The following ATP6V1A variants were observed in gnomAD, a reference collection of about 807,000 sequenced individuals.
The protein encoded by ATP6V1A is ATPase H+ transporting V1 subunit A.
In ATP6V1A, 18 loss-of-function variants were observed where a neutral mutation model predicts 70.1. That is an observed-to-expected ratio of 0.26 (90% CI 0.18 to 0.38). ATP6V1A has a LOEUF of 0.38. ATP6V1A is among the 10% of genes least tolerant of loss of function. ATP6V1A has a pLI of 1.00. For missense variants in ATP6V1A, 424 were observed against 772.4 expected (o/e 0.55, Z 5.35); for synonymous variants, 232 against 253.8 (o/e 0.91, Z 0.82).
rs191478929 is a variant in ATP6V1A at position 113,805,267 on chromosome 3, A to G, written c.1590-87A>G. On this transcript the variant is annotated intron_variant, in intron 13 of 14. Coordinates refer to ENST00000273398, the MANE Select transcript of ATP6V1A (RefSeq NM_001690.4). Reference sequence around the variant, plus strand: ...AAGCAATCTGCATACTTAGATAAAGAAACTAATGCTCTAGTAGTTTTATAT... The same window carrying G: ...AAGCAATCTGCATACTTAGATAAAGGAACTAATGCTCTAGTAGTTTTATAT... 3.4e-3 allele frequency: 4,415 copies of G among 1,306,300 alleles called. 14 individuals carry two copies. Among genetic ancestry groups the G allele is most frequent in the Non-Finnish European group, 4.4e-3 (4,069 of 935,248 alleles). 80.9% of individuals were successfully genotyped at this position (1,306,300 alleles called of 1,614,324 possible).
intron 1 of ATP6V1A, among the ~76,000 whole-genome samples, chr3:113,757,141 A>G (rs1236849604): frequency 1.3e-5 from 2 of 152,330 alleles, no homozygotes; most frequent in Non-Finnish European, 2.9e-5. Context: ...CACTTAAAAT[A>G]CAGAATCTTC....
chr3:113,779,426 T>A (rs1708954935), intron 2 of ATP6V1A, among the ~76,000 whole-genome samples: 1 of 152,236 alleles, frequency 6.6e-6, no homozygotes, highest in Non-Finnish European at 1.5e-5. Context: ...TTTGTTTTGT[T>A]ATTGAATACT....
At chr3:113,755,465 G>A (rs1431475160) in intron 1 of ATP6V1A, among the ~76,000 whole-genome samples, 1 of 151,878 alleles carries the variant, frequency 6.6e-6, no homozygotes, top group African/African-American at 2.4e-5. Flanking sequence ...GCCAGGCGTG[G>A]TGGCACACAC....
intron 1 of ATP6V1A, among the ~76,000 whole-genome samples, chr3:113,766,262 A>G (rs1015914713): frequency 2.0e-5 from 3 of 147,098 alleles, no homozygotes; most frequent in Non-Finnish European, 4.5e-5. Context: ...CATGGTAGAG[A>G]GCAGAGATCA....
intron 1 of ATP6V1A, among the ~76,000 whole-genome samples, chr3:113,762,515 C>T (rs1007713949): frequency 9.9e-5 from 15 of 152,026 alleles, no homozygotes; most frequent in Admixed American, 3.3e-4. Flanking sequence ...TTGCAGTGAG[C>T]CGAGATTGCG....
intron 1 of ATP6V1A, among the ~76,000 whole-genome samples, chr3:113,752,817 A>G (rs188378626): frequency 3.9e-5 from 6 of 152,276 alleles, no homozygotes; most frequent in African/African-American, 1.4e-4. Flanking sequence ...AATATAATTG[A>G]TCCAATACAT....
At chr3:113,791,826 T>G (rs1306050640) in intron 8 of ATP6V1A, among the ~76,000 whole-genome samples, 1 of 148,606 alleles carries the variant, frequency 6.7e-6, no homozygotes, top group African/African-American at 2.5e-5. Context: ...AACTCCTTCC[T>G]GCGACTGGCC....
At chr3:113,763,844 T>C (rs1708735307) in intron 1 of ATP6V1A, among the ~76,000 whole-genome samples, 1 of 140,732 alleles carries the variant, frequency 7.1e-6, no homozygotes, top group Admixed American at 6.9e-5. Context: ...TGTTAACTTC[T>C]AGATAGGGAT....
intron 5 of ATP6V1A, 34 bp downstream of exon 5, chr3:113,784,867 C>G: frequency 1.9e-6 from 3 of 1,601,518 alleles, no homozygotes; most frequent in Non-Finnish European, 2.6e-6. Context: ...CTGCAGAGTG[C>G]CTCTATTTCT....
At chr3:113,774,312 A>G (rs1708884305) in intron 1 of ATP6V1A, among the ~76,000 whole-genome samples, 1 of 152,220 alleles carries the variant, frequency 6.6e-6, no homozygotes, top group Admixed American at 6.5e-5. Flanking sequence ...GACACTTTAG[A>G]AAAAAGGCAA....
intron 1 of ATP6V1A, among the ~76,000 whole-genome samples, chr3:113,749,194 T>C (rs1172080279): frequency 1.3e-5 from 2 of 151,532 alleles, no homozygotes; most frequent in Non-Finnish European, 2.9e-5. Context: ...TGTAGATTAG[T>C]AGTGGGAATT....
At chr3:113,748,363 C>G (rs1272200056) in intron 1 of ATP6V1A, among the ~76,000 whole-genome samples, 1 of 152,134 alleles carries the variant, frequency 6.6e-6, no homozygotes, top group Non-Finnish European at 1.5e-5. Flanking sequence ...TCAGAAAATT[C>G]CATGCTGCTT....
chr3:113,803,383 GT>G (rs1257396537), intron 12 of ATP6V1A, 199 bp from the exon 13 acceptor site: 18 of 543,790 alleles, frequency 3.3e-5, no homozygotes, highest in African/African-American at 3.0e-4. Context: ...ATAATTAAAA[GT>G]GGCAAAGATG....
intron 1 of ATP6V1A, among the ~76,000 whole-genome samples, chr3:113,747,629 A>G (rs1031032147): frequency 2.0e-5 from 3 of 152,086 alleles, no homozygotes; most frequent in East Asian, 3.8e-4. Context: ...GTGCTTTCTC[A>G]GTGATTCTAA....
intron 6 of ATP6V1A, among the ~76,000 whole-genome samples, chr3:113,787,533 T>C (rs1709050540): frequency 6.6e-6 from 1 of 152,208 alleles, no homozygotes; most frequent in Non-Finnish European, 1.5e-5. Flanking sequence ...TACGGTAAAC[T>C]GATTTTGTGA....
intron 1 of ATP6V1A, among the ~76,000 whole-genome samples, chr3:113,753,078 T>C (rs1708605323): frequency 1.3e-5 from 2 of 152,122 alleles, no homozygotes; most frequent in Admixed American, 1.3e-4. Flanking sequence ...GCTTGAGATA[T>C]ATGTAACAGA....
intron 1 of ATP6V1A, among the ~76,000 whole-genome samples, chr3:113,769,673 AT>A (rs552038644): frequency 2.2e-3 from 338 of 152,088 alleles, no homozygotes; most frequent in South Asian, 0.011. Context: ...TAGGAAAAAA[AT>A]TTTTTCCTCT....
chr3:113,809,406 A>C lies in ATP6V1A; in HGVS notation c.1833A>C (p.Ala611=), dbSNP rs1559762898. ...AACTTCTTGAAGACATGCAGAATGC[A>C]TTCCGTAGCCTTGAAGATTAGAAGC... ...YAQLLEDMQN[A]FRSLED Residue 611 remains alanine, a synonymous_variant, in exon 15 of 15, where the codon GCA becomes GCC. Transcript: ENST00000273398. 1 of 1,613,812 alleles carries C rather than the reference A, an allele frequency of 6.2e-7. No individual in the cohort carries two copies.
chr3:113,770,535 C>T (rs1039754340), intron 1 of ATP6V1A, among the ~76,000 whole-genome samples: 1 of 151,904 alleles, frequency 6.6e-6, no homozygotes, highest in Admixed American at 6.6e-5. Flanking sequence ...AAAAATTAGC[C>T]AGGCATGGTG....
Sources: gnomAD v4.1 joint callset for allele counts (sites outside exome capture counted in the v4.1 genomes callset) on GRCh38, gnomAD v4.1.1 for gene constraint, MANE v1.5 for transcripts, NCBI Gene and HGNC (gene_info 2026-07-23, HGNC 2026-07-21) for gene names.